RORA: variants seen among roughly 807,000 people sequenced by gnomAD.
The protein encoded by RORA is nuclear receptor ROR-alpha.
In RORA, 7 loss-of-function variants were observed where a neutral mutation model predicts 69.5. The ratio of observed to expected loss-of-function variants is 0.10; its 90% CI spans 0.06 to 0.19. The LOEUF is 0.19. RORA is among the 10% of genes least tolerant of loss of function. The probability of loss-of-function intolerance (pLI) is 1.00; values close to 1 mark genes in which losing one functional copy is unlikely to be tolerated. For missense variants in RORA, 457 were observed against 663.0 expected, an observed-to-expected ratio of 0.69 and a Z score of 3.41; for synonymous variants, 261 against 240.8, an observed-to-expected ratio of 1.08 and a Z score of -0.78.
Position 60,859,545 on chromosome 15 carries a change from G to T in RORA, c.167-180859C>A, listed in dbSNP as rs2073415686. 5.4e-5 allele frequency among the ~76,000 whole-genome samples: 8 copies of T among 149,520 alleles called. No individual in the cohort carries two copies. In the South Asian group the frequency reaches 1.7e-3, roughly 32 times the overall value. ...GCTGGAGTGCAGTGGCACAATCATA[G>T]CTCATTGCAGTCTCTTCGTGGGACT... On this transcript the variant is annotated intron_variant, in intron 1 of 10. Coordinates refer to ENST00000335670, the MANE Select transcript of RORA (RefSeq NM_134261.3).
At chr15:60,960,666 C>T (rs1740660547) in intron 1 of RORA, among the ~76,000 whole-genome samples, 1 of 142,252 alleles carries the variant, frequency 7.0e-6, no homozygotes, top group Admixed American at 7.1e-5. Flanking sequence ...TTTCTAAAAA[C>T]AGTTTTCCCT....
chr15:61,077,594 G>GA (rs1255790153), intron 1 of RORA, among the ~76,000 whole-genome samples: 1 of 152,122 alleles, frequency 6.6e-6, no homozygotes, highest in Non-Finnish European at 1.5e-5. Context: ...CTGCAACTGA[G>GA]AAGCCTACTG....
intron 2 of RORA, among the ~76,000 whole-genome samples, chr15:60,640,055 C>T (rs1364649066): frequency 6.6e-6 from 1 of 152,086 alleles, no homozygotes; most frequent in Non-Finnish European, 1.5e-5. Flanking sequence ...TATCACTTAC[C>T]CTTTGTTTGA....
At position 61,168,213 on chromosome 15, in the gene RORA, C is replaced by CGTGT. The variant is rs749432181; in HGVS notation, c.166+60839_166+60840insACAC. On this transcript the variant is annotated intron_variant, in intron 1 of 10. Transcript: ENST00000335670. ...ACACATATATACACGCGCGTGCGTG[C>CGTGT]GTGCGTGTGTGTGTGTGTGTGTGTA... 8.3e-5 allele frequency among the ~76,000 whole-genome samples: 12 copies of CGTGT among 145,000 alleles called. No individual in the cohort carries two copies. In the East Asian group the frequency reaches 1.6e-3, roughly 19 times the overall value.
intron 1 of RORA, among the ~76,000 whole-genome samples, chr15:61,004,044 G>A (rs944078828): frequency 2.0e-5 from 3 of 152,102 alleles, no homozygotes; most frequent in Non-Finnish European, 2.9e-5. Flanking sequence ...CATTGTGGAG[G>A]GACTAAAGAC....
intron 3 of RORA, among the ~76,000 whole-genome samples, chr15:60,521,896 A>G (rs1039715639): frequency 1.3e-5 from 2 of 152,154 alleles, no homozygotes; most frequent in African/African-American, 4.8e-5. Flanking sequence ...TAGCTTTTCA[A>G]AACGCCTTGT....
At chr15:60,976,848 C>A (rs1254039964) in intron 1 of RORA, among the ~76,000 whole-genome samples, 1 of 152,184 alleles carries the variant, frequency 6.6e-6, no homozygotes, top group African/African-American at 2.4e-5. Context: ...TCACCCACCA[C>A]CTGCAGCAGC....
At chr15:60,592,444 G>A in intron 2 of RORA, 1 of 1,417,110 alleles carries the variant, frequency 7.1e-7, no homozygotes, top group Non-Finnish European at 9.3e-7. Flanking sequence ...AGAGCGCAGG[G>A]AGAGCGGATG....
At chr15:60,765,491 G>A (rs1287011846) in intron 1 of RORA, 1 of 152,112 alleles carries the variant, frequency 6.6e-6, no homozygotes, top group Non-Finnish European at 1.5e-5. Flanking sequence ...GCTTGGTCGG[G>A]TCTTGTGTAA....
intron 1 of RORA, among the ~76,000 whole-genome samples, chr15:61,089,876 T>G (rs932748448): frequency 6.6e-6 from 1 of 152,050 alleles, no homozygotes; most frequent in Admixed American, 6.6e-5. Flanking sequence ...TTTCCAAAGA[T>G]GGAGGGTAGA....
chr15:60,808,273 A>G (rs1025175904), intron 1 of RORA, among the ~76,000 whole-genome samples: 3 of 152,222 alleles, frequency 2.0e-5, no homozygotes, highest in African/African-American at 7.2e-5. Flanking sequence ...ACAATTCTCA[A>G]AAGAAGATAC....
At chr15:61,169,987 T>C (rs1470578547) in intron 1 of RORA, among the ~76,000 whole-genome samples, 1 of 152,300 alleles carries the variant, frequency 6.6e-6, no homozygotes, top group Non-Finnish European at 1.5e-5. Flanking sequence ...TCCATCATAA[T>C]AGTTCTAAGC....
chr15:60,814,622 T>G (rs902076044), intron 1 of RORA, among the ~76,000 whole-genome samples: 4 of 152,150 alleles, frequency 2.6e-5, no homozygotes, highest in African/African-American at 4.8e-5. Flanking sequence ...CAGTGGATGC[T>G]GAGGAATTGC....
At chr15:60,739,064 G>T (rs547329528) in intron 1 of RORA, among the ~76,000 whole-genome samples, 167 of 152,254 alleles carry the variant, frequency 1.1e-3, no homozygotes, top group African/African-American at 3.8e-3. Flanking sequence ...TTCAAATAAG[G>T]TCACATTCCA....
rs1428145820 is a variant in RORA, at chr15:60,845,814, T to G, written c.167-167128A>C. The stretch of plus-strand genomic sequence containing the variant: ...CAGGCTGCAGTGCAGTGGTGCGATC[T>G]CCGCTCACTGCAACCTCCGCCTCCC... On this transcript the variant is annotated intron_variant, in intron 1 of 10. Transcript: ENST00000335670. Among the ~76,000 whole-genome samples, 4 of 152,220 alleles carry G rather than the reference T, an allele frequency of 2.6e-5. No individual in the cohort carries two copies. The East Asian group carries it at 7.7e-4, about 29-fold the overall frequency.
intron 2 of RORA, among the ~76,000 whole-genome samples, chr15:60,554,762 T>C (rs1595965098): frequency 6.6e-6 from 1 of 152,002 alleles, no homozygotes; most frequent in Non-Finnish European, 1.5e-5. Flanking sequence ...AGATGACACA[T>C]ACGGTCACCT....
At chr15:61,005,506 A>G (rs1018322496) in intron 1 of RORA, among the ~76,000 whole-genome samples, 4 of 152,196 alleles carry the variant, frequency 2.6e-5, no homozygotes, top group African/African-American at 9.6e-5. Flanking sequence ...AGTTATGCTT[A>G]CAACAAATAC....
intron 2 of RORA, among the ~76,000 whole-genome samples, chr15:60,625,741 T>C (rs1418367141): frequency 2.0e-5 from 3 of 152,246 alleles, no homozygotes; most frequent in Non-Finnish European, 2.9e-5. Flanking sequence ...ATATGTATGT[T>C]TGAATTCATC....
chr15:61,040,404 C>T (rs996804041), intron 1 of RORA, among the ~76,000 whole-genome samples: 4 of 151,778 alleles, frequency 2.6e-5, no homozygotes, highest in African/African-American at 9.7e-5. Context: ...GTCTGCTTGC[C>T]TGACCTCAGC....
Sources: allele counts gnomAD v4.1 joint callset (sites outside exome capture counted in the v4.1 genomes callset), GRCh38; gene constraint gnomAD v4.1.1; transcripts MANE v1.5; gene names NCBI Gene and HGNC (gene_info 2026-07-23, HGNC 2026-07-21).